Variants in RNF216 observed in about 807,000 individuals in gnomAD.
RNF216 encodes the protein ring finger protein 216.
In RNF216, 72 loss-of-function variants were observed where a neutral mutation model predicts 110.8. The ratio of observed to expected loss-of-function variants is 0.65; its 90% CI spans 0.54 to 0.79. RNF216 has a LOEUF of 0.79. Among genes scored for constraint, RNF216 ranks in the 30% least tolerant of loss-of-function variants. RNF216 has a pLI of 0.00. For missense variants in RNF216, 1,342 were observed against 1,141.2 expected, an observed-to-expected ratio of 1.18 and a Z score of -2.54; for synonymous variants, 495 against 407.5, an observed-to-expected ratio of 1.21 and a Z score of -2.59.
chr7:5,711,852 C>T lies in RNF216; in HGVS notation c.1983-13G>A. 1 of 1,611,768 alleles carries T rather than the reference C, an allele frequency of 6.2e-7. No individual in the cohort carries two copies. The highest frequency in any genetic ancestry group is 1.7e-5 in the Admixed American group (1 of 59,848). On this transcript the variant is annotated splice_polypyrimidine_tract_variant and intron_variant, in intron 12 of 16. Transcript: ENST00000389902. The stretch of plus-strand genomic sequence containing the variant: ...ACAGGACGGGCACCTAGAGTCAGAA[C>T]AGCAGAACTGACATTACTTCAAACA...
At chr7:5,688,634 G>A (rs1247352554) in intron 13 of RNF216, among the ~76,000 whole-genome samples, 1 of 152,192 alleles carries the variant, frequency 6.6e-6, no homozygotes, top group Non-Finnish European at 1.5e-5. Context: ...AAAGTGAGCA[G>A]AAGGCTCACT....
At position 5,655,159 on chromosome 7, in the gene RNF216, G is replaced by T. The variant is rs573301855; in HGVS notation, c.2062-2649C>A. 1.4e-4 allele frequency among the ~76,000 whole-genome samples: 21 copies of T among 152,314 alleles called. No individual in the cohort carries two copies. In the East Asian group the frequency reaches 4.0e-3, roughly 29 times the overall value. ...TGAGATGAGGCACAGGCCCACCAGG[G>T]CAAAATGACCTGGCCAGGCTGGAGC... On this transcript the variant is annotated intron_variant, in intron 13 of 16. Transcript: ENST00000389902.
intron 5 of RNF216, among the ~76,000 whole-genome samples, chr7:5,737,664 G>T (rs987653049): frequency 6.6e-6 from 1 of 152,050 alleles, no homozygotes; most frequent in Non-Finnish European, 1.5e-5. Flanking sequence ...TACCTACATT[G>T]GGCTAAGCAC....
chr7:5,638,937 C>G (rs1787566922), intron 15 of RNF216, among the ~76,000 whole-genome samples: 1 of 152,128 alleles, frequency 6.6e-6, no homozygotes, highest in Admixed American at 6.5e-5. Flanking sequence ...CAGCAAGCAG[C>G]TTTTTTCCCT....
chr7:5,735,319 GAAA>G (rs1794331673), intron 5 of RNF216, among the ~76,000 whole-genome samples: 1 of 152,016 alleles, frequency 6.6e-6, no homozygotes, highest in South Asian at 2.1e-4. Flanking sequence ...GTCAAATTTA[GAAA>G]ATACACAAGA....
intron 1 of RNF216, among the ~76,000 whole-genome samples, chr7:5,773,125 G>C (rs1190348178): frequency 6.6e-6 from 1 of 152,052 alleles, no homozygotes; most frequent in African/African-American, 2.4e-5. Context: ...GCGTAAGTTT[G>C]GGTCTCTCAT....
chr7:5,641,207 G>C lies in RNF216; in HGVS notation c.2329C>G (p.Pro777Ala), dbSNP rs369720329. The change falls in exon 15 of 17, where the codon CCA becomes GCA. Residue 777 changes from proline (P) to alanine (A), a missense_variant. Coordinates refer to ENST00000389902, the MANE Select transcript of RNF216 (RefSeq NM_207111.4). ...GAACACTCCTGGCAAGGGGCTCCTG[G>C]TGAGCGGGGATGTTGGCAGAAATGG... ...YDHFCQHPRS[P>A]GAPCQECSRC... 1 of 1,614,192 alleles carries C rather than the reference G, an allele frequency of 6.2e-7. No homozygotes were observed. Among genetic ancestry groups the C allele is most frequent in the Non-Finnish European group, 8.5e-7 (1 of 1,180,042 alleles).
chr7:5,628,666 C>T (rs909925817), intron 15 of RNF216, among the ~76,000 whole-genome samples: 3 of 149,768 alleles, frequency 2.0e-5, no homozygotes, highest in Admixed American at 6.6e-5. Flanking sequence ...AGACTACAGG[C>T]GCCCACCACC....
At chr7:5,644,835 T>C (rs952337761) in intron 14 of RNF216, among the ~76,000 whole-genome samples, 5 of 150,570 alleles carry the variant, frequency 3.3e-5, no homozygotes, top group East Asian at 1.9e-4. Flanking sequence ...TTCTTTTTTT[T>C]TTTTTTTGAA....
chr7:5,711,779 A>G lies in RNF216; in HGVS notation c.2043T>C (p.Pro681=), dbSNP rs370226254. 588 of 1,613,598 alleles carry G rather than the reference A, an allele frequency of 3.6e-4. No individual in the cohort carries two copies. The highest frequency in any genetic ancestry group is 4.3e-4 in the Admixed American group (26 of 59,942). Residue 681 remains proline (P), a synonymous_variant, in exon 13 of 17, where the codon CCT becomes CCC. Coordinates refer to ENST00000389902, the MANE Select transcript of RNF216 (RefSeq NM_207111.4). ...LDSDVKRFSC[P]NPHCRKETCR... Reference sequence around the variant, plus strand: ...TCCCTACCTTTCGGCAGTGAGGATTAGGACAGCTGAACCTCTTCACATCAC... The same window carrying G: ...TCCCTACCTTTCGGCAGTGAGGATTGGGACAGCTGAACCTCTTCACATCAC...
intron 13 of RNF216, among the ~76,000 whole-genome samples, chr7:5,653,600 CAAAAAAA>C (rs34530431): frequency 4.0e-5 from 2 of 50,492 alleles, no homozygotes; most frequent in Non-Finnish European, 6.7e-5. Flanking sequence ...GACTCTGTCT[CAAAAAAA>C]AAAAAAAAAA....
At chr7:5,630,041 A>G (rs852453) in intron 15 of RNF216, among the ~76,000 whole-genome samples, 24,767 of 151,898 alleles carry the variant, frequency 0.16, 3,270 homozygotes, top group African/African-American at 0.37. Flanking sequence ...AGGCCACGCT[A>G]CAAATCTAGG....
At chr7:5,636,056 T>C (rs1490275330) in intron 15 of RNF216, among the ~76,000 whole-genome samples, 2 of 152,246 alleles carry the variant, frequency 1.3e-5, no homozygotes, top group Non-Finnish European at 2.9e-5. Context: ...GTTTTAAGTT[T>C]TGCCATACTC....
At chr7:5,745,002 A>G (rs564423722) in intron 3 of RNF216, among the ~76,000 whole-genome samples, 1 of 152,098 alleles carries the variant, frequency 6.6e-6, no homozygotes, top group African/African-American at 2.4e-5. Context: ...GAAAACTTCT[A>G]AACTTTTTAT....
chr7:5,735,267 A>G (rs369886319), intron 5 of RNF216, among the ~76,000 whole-genome samples: 18 of 152,330 alleles, frequency 1.2e-4, no homozygotes, highest in African/African-American at 3.6e-4. Context: ...AATAATCTCT[A>G]AAGAAACCAA....
chr7:5,690,084 T>G (rs1456723761), intron 13 of RNF216, among the ~76,000 whole-genome samples: 1 of 152,156 alleles, frequency 6.6e-6, no homozygotes. Context: ...ATCCCAGCAC[T>G]CTGGGAGGCT....
intron 13 of RNF216, among the ~76,000 whole-genome samples, chr7:5,673,336 C>T (rs768628514): frequency 1.1e-4 from 16 of 152,076 alleles, no homozygotes; most frequent in Non-Finnish European, 1.9e-4. Context: ...AGAACAGGCT[C>T]GACAGAATGG....
intron 10 of RNF216, 85 bp downstream of exon 10, chr7:5,716,631 T>C: frequency 2.6e-6 from 3 of 1,133,070 alleles, no homozygotes; most frequent in Non-Finnish European, 3.9e-6. Flanking sequence ...AAAACAAATT[T>C]GCCATCAAAA....
chr7:5,630,203 G>C (rs1169871320), intron 15 of RNF216, among the ~76,000 whole-genome samples: 1 of 152,090 alleles, frequency 6.6e-6, no homozygotes, highest in Admixed American at 6.6e-5. Flanking sequence ...TGGATGGCAG[G>C]GTGAACTCAT....
Sources: allele counts gnomAD v4.1 joint callset (sites outside exome capture counted in the v4.1 genomes callset), GRCh38; gene constraint gnomAD v4.1.1; transcripts MANE v1.5; gene names NCBI Gene and HGNC (gene_info 2026-07-23, HGNC 2026-07-21).